Variants in MYPN observed in about 807,000 individuals in gnomAD.
MYPN encodes sarcomeric protein myopalladin, 145 kDa (MYOP).
Under a neutral mutation model 129.4 loss-of-function variants are expected in MYPN, and 63 were observed. The observed-to-expected ratio is 0.49, with a 90% CI of 0.40 to 0.60. The LOEUF (loss-of-function observed/expected upper bound fraction) is 0.60. Among genes scored for constraint, MYPN ranks in the 20% least tolerant of loss-of-function variants. The pLI is 0.00. For missense variants in MYPN, 1,596 were observed against 1,635.4 expected, an observed-to-expected ratio of 0.98 and a Z score of 0.42; for synonymous variants, 629 against 600.9, an observed-to-expected ratio of 1.05 and a Z score of -0.68.
In MYPN at chr10:68,121,508, A is replaced by G; in HGVS notation, c.70A>G (p.Thr24Ala). 6.2e-7 allele frequency: 1 copy of G among 1,614,212 alleles called. No individual in the cohort carries two copies. The highest frequency in any genetic ancestry group is 8.5e-7 in the Non-Finnish European group (1 of 1,180,024). ...TCTAAGAGAGAGCTATTTAGCTGAA[A>G]CCAGACATCGGGGAAACAATGAGAG... ...QLLRESYLAETRHRGNNERSR... is the reference protein window; with the variant it reads ...QLLRESYLAEARHRGNNERSR... The change falls in exon 2 of 20, where the codon ACC (threonine) becomes GCC (alanine). Residue 24 changes from threonine to alanine, a missense_variant. Transcript: ENST00000358913.
chr10:68,139,799 C>T (rs1221216695), intron 2 of MYPN, among the ~76,000 whole-genome samples: 1 of 152,186 alleles, frequency 6.6e-6, no homozygotes, highest in Non-Finnish European at 1.5e-5. Flanking sequence ...ACAAACCCAT[C>T]AAACACTTAT....
At chr10:68,208,896 G>C (rs954979582) in intron 19 of MYPN, among the ~76,000 whole-genome samples, 1 of 152,156 alleles carries the variant, frequency 6.6e-6, no homozygotes, top group African/African-American at 2.4e-5. Context: ...ATGTCAGAGA[G>C]AGCCGGGAAG....
chr10:68,209,688 T>A (rs2043875961), intron 19 of MYPN, among the ~76,000 whole-genome samples: 1 of 122,428 alleles, frequency 8.2e-6, no homozygotes, highest in Non-Finnish European at 1.8e-5. Flanking sequence ...TTTTTTTTTT[T>A]GTTTGTTTTT....
chr10:68,133,941 A>G (rs1471910410), intron 2 of MYPN, among the ~76,000 whole-genome samples: 1 of 151,940 alleles, frequency 6.6e-6, no homozygotes, highest in African/African-American at 2.4e-5. Flanking sequence ...ATCAGAGCCA[A>G]CCTCCACAAA....
intron 6 of MYPN, among the ~76,000 whole-genome samples, chr10:68,151,400 G>T (rs1444546439): frequency 6.6e-6 from 1 of 152,164 alleles, no homozygotes; most frequent in African/African-American, 2.4e-5. Context: ...CTACATTTGA[G>T]ATTTTAGCTT....
upstream of MYPN, chr10:68,106,322 A>C (rs1215786691): frequency 3.6e-5 from 13 of 365,000 alleles, no homozygotes; most frequent in Non-Finnish European, 1.6e-5. Context: ...TTTCCCAGGC[A>C]AGCATTTTCA....
At position 68,124,912 on chromosome 10, in the gene MYPN, C is replaced by T. The variant is rs1253780181; in HGVS notation, c.902+2572C>T. The stretch of plus-strand genomic sequence containing the variant: ...TGGTAATGCTAGTGAGATGTCACTA[C>T]AGCCCCATGACAGCTACTACTCAGC... On this transcript the variant is annotated intron_variant, in intron 2 of 19. Coordinates refer to ENST00000358913, the MANE Select transcript of MYPN (RefSeq NM_032578.4). 2.6e-5 allele frequency among the ~76,000 whole-genome samples: 4 copies of T among 152,204 alleles called. No individual in the cohort carries two copies. The East Asian group carries it at 7.7e-4, about 29-fold the overall frequency.
chr10:68,113,737 G>A (rs529299175), intron 1 of MYPN, among the ~76,000 whole-genome samples: 17 of 150,638 alleles, frequency 1.1e-4, no homozygotes, highest in South Asian at 4.2e-4. Context: ...TAATAAATTC[G>A]TTTTTTTCAG....
rs12242494 is a variant in MYPN, at chr10:68,149,805, C to T, written c.1246-235C>T. 0.12 allele frequency among the ~76,000 whole-genome samples: 17,598 copies of T among 152,026 alleles called. 1,203 individuals carry two copies. Among genetic ancestry groups the T allele is most frequent in the African/African-American group, 0.17 (6,941 of 41,434 alleles). On this transcript the variant is annotated intron_variant, in intron 5 of 19. Transcript: ENST00000358913. ...TTAATGACATAGATCCACAGATCTA[C>T]ATGTGAAGGGGTGGCGTGGGGATAG...
intron 12 of MYPN, among the ~76,000 whole-genome samples, chr10:68,182,456 TATATATAAC>T (rs1312772845): frequency 3.4e-5 from 4 of 116,806 alleles, no homozygotes; most frequent in African/African-American, 1.4e-4. Flanking sequence ...ATATAACATA[TATATATAAC>T]ATATATACAC....
chr10:68,182,875 G>A (rs1013934555), intron 12 of MYPN, among the ~76,000 whole-genome samples: 12 of 152,052 alleles, frequency 7.9e-5, no homozygotes, highest in African/African-American at 1.7e-4. Flanking sequence ...TGGAGTACTG[G>A]TTAAGATAAT....
At chr10:68,188,415 T>C (rs1337702927) in intron 12 of MYPN, among the ~76,000 whole-genome samples, 1 of 151,288 alleles carries the variant, frequency 6.6e-6, no homozygotes, top group South Asian at 2.1e-4. Flanking sequence ...TGGCCTCTTT[T>C]TTTTTTTTTT....
chr10:68,195,720 T>A (rs918759888), intron 15 of MYPN, among the ~76,000 whole-genome samples, 188 bp downstream of exon 15: 1 of 152,166 alleles, frequency 6.6e-6, no homozygotes, highest in African/African-American at 2.4e-5. Context: ...TGACTCAGAA[T>A]CTGCATTTTA....
At chr10:68,201,270 G>A (rs919117115) in intron 17 of MYPN, among the ~76,000 whole-genome samples, 9 of 152,162 alleles carry the variant, frequency 5.9e-5, no homozygotes, top group Admixed American at 5.2e-4. Context: ...ATTGCCTCTC[G>A]TGGGATGTGC....
At chr10:68,208,984 G>A (rs1175651960) in intron 19 of MYPN, among the ~76,000 whole-genome samples, 6 of 152,172 alleles carry the variant, frequency 3.9e-5, no homozygotes, top group East Asian at 1.9e-4. Flanking sequence ...TAGTGAAACC[G>A]CTCTAGGTTT....
intron 10 of MYPN, among the ~76,000 whole-genome samples, chr10:68,168,814 A>G (rs1014781866): frequency 1.3e-5 from 2 of 151,762 alleles, no homozygotes; most frequent in African/African-American, 2.4e-5. Flanking sequence ...GAAAACCACC[A>G]TACACGGGGT....
At chr10:68,097,259 C>T (rs929432208) in intron 1 of MYPN, among the ~76,000 whole-genome samples, 1 of 152,180 alleles carries the variant, frequency 6.6e-6, no homozygotes, top group Admixed American at 6.5e-5. Context: ...TGTTACAAAA[C>T]TCATCACCCT....
intron 1 of MYPN, among the ~76,000 whole-genome samples, chr10:68,111,288 A>C (rs1343272816): frequency 6.6e-6 from 1 of 152,230 alleles, no homozygotes; most frequent in Non-Finnish European, 1.5e-5. Context: ...AAAAAGTGAG[A>C]GTTCAATTTT....
Position 68,166,684 on chromosome 10 carries a change from T to C in MYPN, c.1973+18T>C. On this transcript the variant is annotated intron_variant, in intron 10 of 19. Coordinates refer to ENST00000358913, the MANE Select transcript of MYPN (RefSeq NM_032578.4). The stretch of plus-strand genomic sequence containing the variant: ...CCCAAACTGTAAGTAAAAAGTAGGA[T>C]GAATAACCAGGAGCTTCTGTGATCT... 1 of 1,613,654 alleles carries C rather than the reference T, an allele frequency of 6.2e-7. No homozygotes were observed. The highest frequency in any genetic ancestry group is 1.3e-5 in the African/African-American group (1 of 74,982).
Sources: allele counts gnomAD v4.1 joint callset (sites outside exome capture counted in the v4.1 genomes callset), GRCh38; gene constraint gnomAD v4.1.1; transcripts MANE v1.5; gene names NCBI Gene and HGNC (gene_info 2026-07-23, HGNC 2026-07-21).